Variants in SYNJ1 observed in about 807,000 individuals in gnomAD.
The protein encoded by SYNJ1 is polyphosphatidylinositol phosphatase SYNJ1.
Under a neutral mutation model 168.2 loss-of-function variants are expected in SYNJ1, and 78 were observed. That is an observed-to-expected ratio of 0.46 (90% CI 0.39 to 0.56). The LOEUF (loss-of-function observed/expected upper bound fraction) is 0.56. Among genes scored for constraint, SYNJ1 ranks in the 20% least tolerant of loss-of-function variants. The pLI is 0.00. For synonymous variants in SYNJ1, 539 were observed against 548.6 expected (o/e 0.98, Z 0.24); for missense variants, 1,303 against 1,597.6 (o/e 0.82, Z 3.14).
chr21:32,649,791 C>T (rs934280400), intron 23 of SYNJ1, among the ~76,000 whole-genome samples: 1 of 152,108 alleles, frequency 6.6e-6, no homozygotes, highest in Non-Finnish European at 1.5e-5. Flanking sequence ...GCTCTGTTGC[C>T]CAGGCTGGAG....
intron 10 of SYNJ1, among the ~76,000 whole-genome samples, chr21:32,682,690 T>C (rs1462859272): frequency 6.6e-6 from 1 of 152,124 alleles, no homozygotes; most frequent in Non-Finnish European, 1.5e-5. Context: ...GTCAACCAAT[T>C]GCTATCCTAG....
intron 9 of SYNJ1, among the ~76,000 whole-genome samples, 154 bp from the exon 10 acceptor site, chr21:32,684,273 A>G (rs1301226692): frequency 6.6e-6 from 1 of 152,242 alleles, no homozygotes; most frequent in Middle Eastern, 3.2e-3. Flanking sequence ...TATACTGTGA[A>G]CATCCATATA....
At position 32,682,319 on chromosome 21, in the gene SYNJ1, G is replaced by C. The variant is rs541995171; in HGVS notation, c.1201-671C>G. On this transcript the variant is annotated intron_variant, in intron 10 of 32. Transcript: ENST00000674351. ...TGCAAGAATTCTAGCCTATAAATCT[G>C]ACAGAGTCAATGTTCGATCTTTATC... Among the ~76,000 whole-genome samples, 7 of 152,264 alleles carry C rather than the reference G, an allele frequency of 4.6e-5. No individual in the cohort carries two copies. In the East Asian group the frequency reaches 1.2e-3, roughly 25 times the overall value.
At chr21:32,695,846 GT>G (rs768063936) in intron 4 of SYNJ1, among the ~76,000 whole-genome samples, 28 of 144,024 alleles carry the variant, frequency 1.9e-4, no homozygotes, top group Non-Finnish European at 3.5e-4. Flanking sequence ...GTTTTGTTTT[GT>G]TTTTTTTTTT....
chr21:32,638,957 C>T lies in SYNJ1; in HGVS notation c.3866G>A (p.Arg1289Gln), dbSNP rs780038881. The T allele has an allele frequency of 3.7e-6, 6 of 1,613,690 alleles. No individual in the cohort carries two copies. Among genetic ancestry groups the T allele is most frequent in the South Asian group, 2.2e-5 (2 of 91,044 alleles). ...AGGCAAGCTATGGGATGACCTGCTT[C>T]GAGGTGGTGGTTGTGGTGGGGTTTC... ...NLETPPQPPP[R>Q]SRSSHSLPSE... Residue 1289 changes from arginine to glutamine, a missense_variant, in exon 31 of 33, where the codon CGA (arginine) becomes CAA (glutamine). Arg to Gln is a conservative substitution (Grantham distance 43, BLOSUM62 1). Transcript: ENST00000674351.
intron 26 of SYNJ1, 66 bp downstream of exon 26, chr21:32,644,897 CTAAAA>C (rs2039995332): frequency 6.6e-7 from 1 of 1,509,696 alleles, no homozygotes; most frequent in Admixed American, 2.0e-5. Flanking sequence ...TCAAACAAAT[CTAAAA>C]TGTCTTTCAG....
In SYNJ1 at chr21:32,726,937, C is replaced by T; in HGVS notation, c.-22-20G>A. 6.2e-7 allele frequency: 1 copy of T among 1,612,134 alleles called. No individual in the cohort carries two copies. Among genetic ancestry groups the T allele is most frequent in the Non-Finnish European group, 8.5e-7 (1 of 1,178,922 alleles). On this transcript the variant is annotated intron_variant, in intron 1 of 32. Coordinates refer to ENST00000674351, the MANE Select transcript of SYNJ1 (RefSeq NM_203446.3). ...GCAGCCCTGCGAAAACCAAGCAAAG[C>T]AAAGCAAATGAAGCTGATGTTTCCT...
At chr21:32,678,944 T>G in intron 11 of SYNJ1, 143 bp from the exon 12 acceptor site, 1 of 1,082,760 alleles carries the variant, frequency 9.2e-7, no homozygotes, top group South Asian at 1.8e-5. Context: ...GAATATATAG[T>G]CATGACAATT....
At chr21:32,722,201 AAAAAATATATAT>A (rs1178916114) in intron 2 of SYNJ1, among the ~76,000 whole-genome samples, 3 of 113,868 alleles carry the variant, frequency 2.6e-5, no homozygotes, top group Non-Finnish European at 5.3e-5. Flanking sequence ...AAAAAAAAAA[AAAAAATATATAT>A]ATATATATAT....
chr21:32,713,463 C>T (rs1235351926), intron 2 of SYNJ1, among the ~76,000 whole-genome samples: 2 of 118,114 alleles, frequency 1.7e-5, no homozygotes, highest in Non-Finnish European at 1.8e-5. Context: ...GATGATTTCC[C>T]ATATGTCAAC....
intron 32 of SYNJ1, among the ~76,000 whole-genome samples, chr21:32,634,179 T>C (rs1484344954): frequency 1.3e-5 from 2 of 152,176 alleles, no homozygotes; most frequent in Non-Finnish European, 2.9e-5. Flanking sequence ...TTTGCATATA[T>C]AAGAAAATTT....
chr21:32,721,694 G>T (rs905970093), intron 2 of SYNJ1, among the ~76,000 whole-genome samples: 1 of 151,248 alleles, frequency 6.6e-6, no homozygotes, highest in African/African-American at 2.4e-5. Flanking sequence ...AAAAAAAAAA[G>T]TAATTTTGAA....
In SYNJ1 at chr21:32,686,917, T is replaced by A. The variant is rs2041855590; in HGVS notation, c.948+61A>T. On this transcript the variant is annotated intron_variant, in intron 8 of 32. Transcript: ENST00000674351. ...AGAATCTGATTACTGTATTATTTTA[T>A]TTTTTAATACCATTCTAGGTGTCCA... is the stretch of plus-strand genomic sequence containing the variant. 4 of 1,136,444 alleles carry A rather than the reference T, an allele frequency of 3.5e-6. No individual in the cohort carries two copies. The African/African-American group carries it at 6.6e-5, about 19-fold the overall frequency. 70.4% of individuals were successfully genotyped at this position (1,136,444 alleles called of 1,614,324 possible).
chr21:32,704,500 T>C (rs1000659696), intron 2 of SYNJ1, among the ~76,000 whole-genome samples: 1 of 152,152 alleles, frequency 6.6e-6, no homozygotes, highest in African/African-American at 2.4e-5. Context: ...AGGAGAAGGA[T>C]GGCCTGTGCA....
At chr21:32,711,397 A>C (rs2042823742) in intron 2 of SYNJ1, among the ~76,000 whole-genome samples, 1 of 147,840 alleles carries the variant, frequency 6.8e-6, no homozygotes, top group Non-Finnish European at 1.5e-5. Flanking sequence ...CAGTGGTGTG[A>C]TCTTGGCTCA....
intron 8 of SYNJ1, 91 bp downstream of exon 8, chr21:32,686,887 C>A: frequency 1.1e-6 from 1 of 889,480 alleles, no homozygotes; most frequent in Non-Finnish European, 1.7e-6. Context: ...AATTTACTTC[C>A]TGGAAGAATC....
intron 1 of SYNJ1, 145 bp downstream of exon 1, chr21:32,727,801 C>G: frequency 1.4e-6 from 2 of 1,444,664 alleles, no homozygotes; most frequent in Non-Finnish European, 1.8e-6. Context: ...CCCCGCCCGT[C>G]CTCCCGCACC....
At chr21:32,659,708 T>G (rs184217612) in intron 18 of SYNJ1, among the ~76,000 whole-genome samples, 331 of 152,334 alleles carry the variant, frequency 2.2e-3, no homozygotes, top group African/African-American at 7.6e-3. Flanking sequence ...CAGGAATTGC[T>G]CACTCGGGGA....
chr21:32,719,121 T>C (rs928421665), intron 2 of SYNJ1, among the ~76,000 whole-genome samples: 2 of 152,222 alleles, frequency 1.3e-5, no homozygotes, highest in African/African-American at 2.4e-5. Context: ...ATAAAGTGTG[T>C]CAAATGCCAC....
Sources: gnomAD v4.1 joint callset for allele counts (sites outside exome capture counted in the v4.1 genomes callset) on GRCh38, gnomAD v4.1.1 for gene constraint, MANE v1.5 for transcripts, NCBI Gene and HGNC (gene_info 2026-07-23, HGNC 2026-07-21) for gene names.